Variants in RIPPLY3 observed in about 807,000 individuals in gnomAD.
RIPPLY3 encodes the protein ripply transcriptional repressor 3, also known as protein ripply3.
Under a neutral mutation model 11.9 loss-of-function variants are expected in RIPPLY3, and 8 were observed. The ratio of observed to expected loss-of-function variants is 0.67; its 90% CI spans 0.40 to 1.21. The LOEUF is 1.21. Ranked by LOEUF, RIPPLY3 falls within the 50% of genes most tolerant of loss-of-function variation. RIPPLY3 has a pLI of 0.01. For synonymous variants in RIPPLY3, 102 were observed against 99.0 expected (o/e 1.03, Z -0.18); for missense variants, 271 against 246.0 (o/e 1.10, Z -0.68).
At chr21:37,008,310 C>T in intron 2 of RIPPLY3, 87 bp downstream of exon 2, 2 of 1,380,236 alleles carry the variant, frequency 1.4e-6, no homozygotes, top group South Asian at 2.4e-5. Flanking sequence ...GAATGGCCTT[C>T]TGCGCAGGGC....
Position 37,008,370 on chromosome 21 carries a change from AC to A in RIPPLY3, c.171+149del, listed in dbSNP as rs2069487232. On this transcript the variant is annotated intron_variant, in intron 2 of 3. Coordinates refer to ENST00000329553, the MANE Select transcript of RIPPLY3 (RefSeq NM_018962.3). ...AGCGCCTCGGGGTCTGGGAGTTGGA[AC>A]CTGAATGAGTAAGGTGTTAATCAGA... The A allele has an allele frequency of 1.9e-5, 13 of 694,742 alleles. No homozygotes were observed. In the Admixed American group the frequency reaches 3.7e-4, roughly 20 times the overall value. The allele number at this position is 694,742 out of a possible 1,614,324, so 43.0% of individuals were successfully genotyped here.
Position 37,008,631 on chromosome 21 carries a change from G to A in RIPPLY3, c.171+408G>A, listed in dbSNP as rs186836180. Among the ~76,000 whole-genome samples the A allele has an allele frequency of 2.3e-3, 344 of 151,950 alleles. 1 individual carries two copies. Among genetic ancestry groups the A allele is most frequent in the African/African-American group, 8.1e-3 (337 of 41,432 alleles). On this transcript the variant is annotated intron_variant, in intron 2 of 3. Coordinates refer to ENST00000329553, the MANE Select transcript of RIPPLY3 (RefSeq NM_018962.3). ...AAATTAGCTGGGCATGGTGGCAGGC[G>A]CCTGTAATCCCAGCTACTTAGGAGG...
intron 3 of RIPPLY3, among the ~76,000 whole-genome samples, chr21:37,015,206 C>T (rs1416125862): frequency 6.6e-6 from 1 of 152,178 alleles, no homozygotes; most frequent in Non-Finnish European, 1.5e-5. Flanking sequence ...CTCTGTCACT[C>T]AGGCTGGAGT....
Position 37,006,894 on chromosome 21 carries a change from C to T in RIPPLY3, c.104+18C>T, listed in dbSNP as rs933505026. 2 of 1,193,892 alleles carry T rather than the reference C, an allele frequency of 1.7e-6. No individual in the cohort carries two copies. Among genetic ancestry groups the T allele is most frequent in the Non-Finnish European group, 2.1e-6 (2 of 956,922 alleles). The allele number at this position is 1,193,892 out of a possible 1,614,324, so 74.0% of individuals were successfully genotyped here. ...CCGGAGAGGTGAGGGTGGCCCCGCG[C>T]CCCGGTGGACGCGCTGAGAGGCGTG... On this transcript the variant is annotated intron_variant, in intron 1 of 3. Coordinates refer to ENST00000329553, the MANE Select transcript of RIPPLY3 (RefSeq NM_018962.3). This position sits in a 1 kb window ranked among gnomAD's most constrained non-coding sequence, Gnocchi z 5.2.
At chr21:37,017,315 T>C (rs2069589432) in intron 3 of RIPPLY3, among the ~76,000 whole-genome samples, 1 of 152,180 alleles carries the variant, frequency 6.6e-6, no homozygotes, top group South Asian at 2.1e-4. Flanking sequence ...AGCACATCTT[T>C]TTTATTCTGG....
chr21:37,017,889 G>T lies in RIPPLY3; in HGVS notation c.255G>T (p.Met85Ile), dbSNP rs779082514. The stretch of plus-strand genomic sequence containing the variant: ...TAAATATTAGAGTCTATTTACCCAT[G>T]TCAAAGCGTCAAGAATACCTGCGGA... ...FQHPVRVYLP[M>I]SKRQEYLRSS... The change falls in exon 4 of 4, where the codon ATG becomes ATT. Residue 85 changes from methionine to isoleucine, a missense_variant. Physicochemically the swap from Met to Ile is conservative, Grantham distance 10. Transcript: ENST00000329553. 18 of 1,612,504 alleles carry T rather than the reference G, an allele frequency of 1.1e-5. No individual in the cohort carries two copies. Among genetic ancestry groups the T allele is most frequent in the Admixed American group, 5.0e-5 (3 of 59,822 alleles).
chr21:37,016,298 C>T (rs1022984827), intron 3 of RIPPLY3, among the ~76,000 whole-genome samples: 5 of 152,118 alleles, frequency 3.3e-5, no homozygotes, highest in African/African-American at 1.2e-4. Context: ...TCCATTGTGA[C>T]AACCAAAAAT....
rs779921991 is a variant in RIPPLY3 at position 37,018,270 on chromosome 21, C to A, written c.*63C>A. 1.3e-5 allele frequency: 18 copies of A among 1,387,412 alleles called. No individual in the cohort carries two copies. Among genetic ancestry groups the A allele is most frequent in the African/African-American group, 1.4e-5 (1 of 70,824 alleles). 85.9% of individuals were successfully genotyped at this position (1,387,412 alleles called of 1,614,324 possible). A position where few individuals can be genotyped will look rare whatever the true frequency, so the allele number is the denominator to read the frequency against. On this transcript the variant is annotated 3_prime_UTR_variant, in exon 4 of 4. Transcript: ENST00000329553. ...CCCCTCACGTTCTCTTGGGGACACC[C>A]GAGCCAGGACACTACGCATCCCTGC...
At chr21:37,008,861 G>A (rs1206388075) in intron 2 of RIPPLY3, among the ~76,000 whole-genome samples, 1 of 152,050 alleles carries the variant, frequency 6.6e-6, no homozygotes, top group Non-Finnish European at 1.5e-5. Context: ...GGGAGGGGAG[G>A]GGAGAGGCTG....
intron 3 of RIPPLY3, among the ~76,000 whole-genome samples, chr21:37,016,564 G>A (rs1465368800): frequency 1.3e-5 from 2 of 152,184 alleles, no homozygotes; most frequent in East Asian, 3.9e-4. Context: ...GAGGCATGGT[G>A]GCTCATACCT....
In RIPPLY3 at chr21:37,018,990, G is replaced by A. The variant is rs1006308202; in HGVS notation, c.*783G>A. 6 of 151,102 alleles carry A rather than the reference G, an allele frequency of 4.0e-5. No individual in the cohort carries two copies. Among genetic ancestry groups the A allele is most frequent in the Non-Finnish European group, 7.4e-5 (5 of 67,862 alleles). The allele number at this position is 151,102 out of a possible 1,614,324, so 9.4% of individuals were successfully genotyped here. The stretch of plus-strand genomic sequence containing the variant: ...ATTACAGGCGTGAGCCACTGAGCCC[G>A]GCCAAAAAAAAATGTATTTATTAAA... On this transcript the variant is annotated 3_prime_UTR_variant, in exon 4 of 4. Transcript: ENST00000329553.
At chr21:37,012,147 T>A (rs111594121) in intron 2 of RIPPLY3, among the ~76,000 whole-genome samples, 1 of 151,072 alleles carries the variant, frequency 6.6e-6, no homozygotes, top group South Asian at 2.1e-4. Flanking sequence ...CTGGTTCCAA[T>A]TGAACTTTGG....
Position 37,006,789 on chromosome 21 carries a change from C to T in RIPPLY3, c.17C>T (p.Ala6Val), listed in dbSNP as rs1292263143. Residue 6 changes from alanine (A) to valine (V), a missense_variant, in exon 1 of 4, where the codon GCG becomes GTG. Physicochemically the swap from Ala to Val is moderately conservative, Grantham distance 64. Coordinates refer to ENST00000329553, the MANE Select transcript of RIPPLY3 (RefSeq NM_018962.3). The surrounding 1 kb of genome is among the most constrained non-coding windows in gnomAD (Gnocchi z 5.2). MEPEA[A>V]AGARKARGRG... ...GCCGGCACCATGGAGCCCGAAGCGG[C>T]GGCCGGAGCCCGGAAGGCGCGGGGG... The T allele has an allele frequency of 1.6e-6, 2 of 1,232,310 alleles. No individual in the cohort carries two copies. Among genetic ancestry groups the T allele is most frequent in the South Asian group, 3.8e-5 (1 of 26,182 alleles). The allele number at this position is 1,232,310 out of a possible 1,614,324, so 76.3% of individuals were successfully genotyped here.
At chr21:37,010,307 C>T (rs1246382646) in intron 2 of RIPPLY3, among the ~76,000 whole-genome samples, 1 of 152,122 alleles carries the variant, frequency 6.6e-6, no homozygotes, top group Non-Finnish European at 1.5e-5. Context: ...ACCTCACGAA[C>T]ATGGTGAAAC....
At chr21:37,008,022 C>T in intron 1 of RIPPLY3, 135 bp from the exon 2 acceptor site, 1 of 779,538 alleles carries the variant, frequency 1.3e-6, no homozygotes, top group Non-Finnish European at 2.1e-6. Flanking sequence ...GCCCTGAGAA[C>T]TCCAGGGAAA....
intron 1 of RIPPLY3, among the ~76,000 whole-genome samples, 191 bp downstream of exon 1, chr21:37,007,067 G>C (rs866102717): frequency 6.6e-6 from 1 of 152,258 alleles, no homozygotes; most frequent in African/African-American, 2.4e-5. Context: ...TCAGTTCTCC[G>C]GTTCCAACGC....
chr21:37,011,611 A>G (rs1215571873), intron 2 of RIPPLY3, among the ~76,000 whole-genome samples: 2 of 152,204 alleles, frequency 1.3e-5, no homozygotes, highest in African/African-American at 4.8e-5. Flanking sequence ...GAACAACTTT[A>G]TGGAAAAGAT....
In RIPPLY3 at chr21:37,017,942, T is replaced by G; in HGVS notation, c.308T>G (p.Phe103Cys). 1 of 1,614,184 alleles carries G rather than the reference T, an allele frequency of 6.2e-7. No individual in the cohort carries two copies. The highest frequency in any genetic ancestry group is 8.5e-7 in the Non-Finnish European group (1 of 1,180,042). ...TCCGGGGAGCAAGTACTGGCCAGTT[T>G]CCCAGTGCAAGCCACGATTGACTTC... ...RSSGEQVLAS[F>C]PVQATIDFYD... Residue 103 changes from phenylalanine (F) to cysteine (C), a missense_variant, in exon 4 of 4, where the codon TTC becomes TGC. Phe to Cys is a radical substitution (Grantham distance 205, BLOSUM62 -2). Coordinates refer to ENST00000329553, the MANE Select transcript of RIPPLY3 (RefSeq NM_018962.3).
chr21:37,015,085 G>A (rs893411594), intron 3 of RIPPLY3, among the ~76,000 whole-genome samples: 1 of 152,178 alleles, frequency 6.6e-6, no homozygotes, highest in African/African-American at 2.4e-5. Flanking sequence ...AAATACAGAT[G>A]CCTGGGTGGT....
Sources: gnomAD v4.1 joint callset for allele counts (sites outside exome capture counted in the v4.1 genomes callset) on GRCh38, gnomAD v4.1.1 for gene constraint, Gnocchi (gnomAD v3.1) non-coding constraint, MANE v1.5 for transcripts, NCBI Gene and HGNC (gene_info 2026-07-23, HGNC 2026-07-21) for gene names.